The following SLC35F4 variants were observed in gnomAD, a reference collection of about 807,000 sequenced individuals.
SLC35F4 encodes chromosome 14 open reading frame 36.
Under a neutral mutation model 44.2 loss-of-function variants are expected in SLC35F4, and 24 were observed. The ratio of observed to expected loss-of-function variants is 0.54; its 90% CI spans 0.39 to 0.76. SLC35F4 has a LOEUF of 0.76. Among genes scored for constraint, SLC35F4 ranks in the 30% least tolerant of loss-of-function variants. The pLI, the probability that SLC35F4 is intolerant of heterozygous loss-of-function variation, is 0.00. For missense variants in SLC35F4, 562 were observed against 586.1 expected, an observed-to-expected ratio of 0.96 and a Z score of 0.42; for synonymous variants, 238 against 223.6, an observed-to-expected ratio of 1.06 and a Z score of -0.57.
At chr14:57,885,958 G>A (rs1483044509) in intron 1 of SLC35F4, among the ~76,000 whole-genome samples, 1 of 151,902 alleles carries the variant, frequency 6.6e-6, no homozygotes, top group Non-Finnish European at 1.5e-5. Context: ...AGGGTGTAAG[G>A]ACTTTGAAAA....
chr14:57,971,839 A>T (rs537195879), downstream of SLC35F4, among the ~76,000 whole-genome samples: 8 of 152,326 alleles, frequency 5.3e-5, no homozygotes, highest in African/African-American at 1.9e-4. Context: ...ATAGTTAATA[A>T]TGCTGTACTG....
At chr14:57,694,682 T>C (rs920194554) in intron 1 of SLC35F4, among the ~76,000 whole-genome samples, 3 of 152,180 alleles carry the variant, frequency 2.0e-5, no homozygotes, top group African/African-American at 7.2e-5. Flanking sequence ...AGCATATCTC[T>C]CCATTTATTT....
At chr14:57,671,873 C>T (rs1199605866) in intron 1 of SLC35F4, among the ~76,000 whole-genome samples, 1 of 152,062 alleles carries the variant, frequency 6.6e-6, no homozygotes, top group Non-Finnish European at 1.5e-5. Context: ...TAATTCTCCC[C>T]ATGAAATCAG....
chr14:57,928,180 A>C (rs1206403730), intron 1 of SLC35F4, among the ~76,000 whole-genome samples: 3 of 152,134 alleles, frequency 2.0e-5, no homozygotes, highest in African/African-American at 7.2e-5. Context: ...GTGGTATCAG[A>C]GATGCCAAGT....
chr14:57,751,258 A>C (rs1461269090), intron 1 of SLC35F4, among the ~76,000 whole-genome samples: 1 of 152,216 alleles, frequency 6.6e-6, no homozygotes, highest in African/African-American at 2.4e-5. Flanking sequence ...GCTCCTAACC[A>C]CTTCAGGTAA....
chr14:57,963,604 C>T (rs1170821864), intron 1 of SLC35F4, among the ~76,000 whole-genome samples: 3 of 151,660 alleles, frequency 2.0e-5, no homozygotes, highest in Non-Finnish European at 2.9e-5. Flanking sequence ...GTGTTTACAG[C>T]GGGCTCACAG....
intron 1 of SLC35F4, among the ~76,000 whole-genome samples, chr14:57,662,927 G>C (rs1435839551): frequency 6.6e-6 from 1 of 152,162 alleles, no homozygotes; most frequent in African/African-American, 2.4e-5. Flanking sequence ...TCACTCCCCT[G>C]GACTATGGTT....
At chr14:57,604,935 T>C (rs989928971) in intron 1 of SLC35F4, among the ~76,000 whole-genome samples, 4 of 152,072 alleles carry the variant, frequency 2.6e-5, no homozygotes, top group African/African-American at 9.7e-5. Context: ...CCCATACCTA[T>C]CACCATATAC....
intron 1 of SLC35F4, among the ~76,000 whole-genome samples, chr14:57,616,653 C>T (rs2071849012): frequency 6.6e-6 from 1 of 152,214 alleles, no homozygotes; most frequent in African/African-American, 2.4e-5. Flanking sequence ...TGTCTACTGT[C>T]TCCATCACTG....
intron 1 of SLC35F4, among the ~76,000 whole-genome samples, chr14:57,933,281 C>G (rs1889733984): frequency 6.6e-6 from 1 of 152,090 alleles, no homozygotes; most frequent in Non-Finnish European, 1.5e-5. Flanking sequence ...CCTCGGCCTT[C>G]CAAAGTGCTG....
At chr14:57,639,640 T>C (rs1252770855) in intron 1 of SLC35F4, among the ~76,000 whole-genome samples, 1 of 152,004 alleles carries the variant, frequency 6.6e-6, no homozygotes, top group East Asian at 1.9e-4. Flanking sequence ...ATTGCTTTCT[T>C]GGTGAGGGGC....
chr14:57,975,501 T>A (rs1054507190), downstream of SLC35F4, among the ~76,000 whole-genome samples: 1 of 152,220 alleles, frequency 6.6e-6, no homozygotes, highest in African/African-American at 2.4e-5. Context: ...ACTGCTGGAT[T>A]GGTTCATTGC....
chr14:57,666,312 C>A (rs1385303270), intron 1 of SLC35F4, among the ~76,000 whole-genome samples: 1 of 152,120 alleles, frequency 6.6e-6, no homozygotes, highest in Non-Finnish European at 1.5e-5. Flanking sequence ...TTTTATTTTC[C>A]TCATTGAGCA....
intron 1 of SLC35F4, among the ~76,000 whole-genome samples, chr14:57,642,627 T>A (rs930943243): frequency 6.6e-6 from 1 of 151,874 alleles, no homozygotes; most frequent in Non-Finnish European, 1.5e-5. Context: ...TGTTGATATT[T>A]TTTTCCAAGA....
intron 1 of SLC35F4, among the ~76,000 whole-genome samples, chr14:57,787,293 G>C (rs977499730): frequency 6.6e-6 from 1 of 152,168 alleles, no homozygotes. Context: ...AGAATAATCG[G>C]TGTTCCTGAA....
At chr14:57,569,450 A>G (rs141146710) in intron 6 of SLC35F4, among the ~76,000 whole-genome samples, 1 of 152,274 alleles carries the variant, frequency 6.6e-6, no homozygotes, top group Non-Finnish European at 1.5e-5. Context: ...ACCTCTGCCC[A>G]ACACAGCATG....
chr14:57,865,649 C>G (rs980049981), intron 1 of SLC35F4, 74 bp downstream of exon 1: 186 of 1,291,896 alleles, frequency 1.4e-4, no homozygotes, highest in Non-Finnish European at 1.8e-4. Flanking sequence ...GCCCGCCCGT[C>G]CGCATCCCCG....
At chr14:57,801,511 T>C (rs887155764) in intron 1 of SLC35F4, among the ~76,000 whole-genome samples, 4 of 152,038 alleles carry the variant, frequency 2.6e-5, no homozygotes, top group African/African-American at 9.7e-5. Flanking sequence ...CACATAACAA[T>C]ACTAACTTCA....
chr14:57,684,248 C>T (rs994249867), intron 1 of SLC35F4, among the ~76,000 whole-genome samples: 1 of 152,066 alleles, frequency 6.6e-6, no homozygotes, highest in Non-Finnish European at 1.5e-5. Context: ...GGCTGTTCCT[C>T]GGGCCTCTCT....
Sources: gnomAD v4.1 joint callset for allele counts (sites outside exome capture counted in the v4.1 genomes callset) on GRCh38, gnomAD v4.1.1 for gene constraint, MANE v1.5 for transcripts, NCBI Gene and HGNC (gene_info 2026-07-23, HGNC 2026-07-21) for gene names.